Variants in AACS observed in about 807,000 individuals in gnomAD.
AACS encodes acetoacetate-CoA ligase.
A neutral mutation model predicts 83.1 loss-of-function variants in AACS; 69 were observed. That is an observed-to-expected ratio of 0.83 (90% confidence interval 0.68 to 1.01). The LOEUF is 1.01. AACS is among the 50% of genes least tolerant of loss of function. AACS has a pLI of 0.00. For missense variants in AACS, 866 were observed against 882.2 expected, an observed-to-expected ratio of 0.98 and a Z score of 0.23; for synonymous variants, 333 against 343.4, an observed-to-expected ratio of 0.97 and a Z score of 0.33.
At chr12:125,091,403 T>G in intron 4 of AACS, 23 bp from the exon 5 acceptor site, 1 of 1,613,246 alleles carries the variant, frequency 6.2e-7, no homozygotes, top group Admixed American at 1.7e-5. Flanking sequence ...AACCCAAGGC[T>G]TCTTCCTATG....
Position 125,065,563 on chromosome 12 carries a change from G to A in AACS, c.-22G>A. 1 of 1,498,744 alleles carries A rather than the reference G, an allele frequency of 6.7e-7. No individual in the cohort carries two copies. Among genetic ancestry groups the A allele is most frequent in the East Asian group, 2.8e-5 (1 of 35,102 alleles). The allele number at this position is 1,498,744 out of a possible 1,614,324, so 92.8% of individuals were successfully genotyped here. On this transcript the variant is annotated 5_prime_UTR_variant, in exon 1 of 18. Coordinates refer to ENST00000316519, the MANE Select transcript of AACS (RefSeq NM_023928.5). ...CCCCTGGTCCCCAGCCCTCGTCGCA[G>A]CCCCGGCCGCCCGCCGCCGCCATGT...
At chr12:125,086,680 C>T (rs1220362181) in intron 4 of AACS, among the ~76,000 whole-genome samples, 1 of 152,122 alleles carries the variant, frequency 6.6e-6, no homozygotes, top group Admixed American at 6.5e-5. Context: ...GTCCCAGAGC[C>T]TAAAACAATT....
At chr12:125,116,839 G>A (rs990977763) in intron 9 of AACS, among the ~76,000 whole-genome samples, 14 of 151,582 alleles carry the variant, frequency 9.2e-5, no homozygotes, top group Middle Eastern at 3.4e-3. Context: ...AGGCTATACT[G>A]TGACCCACCC....
At chr12:125,091,612 G>C in intron 5 of AACS, 89 bp downstream of exon 5, 1 of 1,351,778 alleles carries the variant, frequency 7.4e-7, no homozygotes, top group Non-Finnish European at 1.1e-6. Flanking sequence ...CAGGGGAGCC[G>C]GACAGCAGCG....
At chr12:125,081,489 C>T (rs1186370848) in intron 3 of AACS, among the ~76,000 whole-genome samples, 1 of 152,170 alleles carries the variant, frequency 6.6e-6, no homozygotes, top group African/African-American at 2.4e-5. Flanking sequence ...TTGTTCCTTA[C>T]CCAGCTGGGT....
intron 10 of AACS, chr12:125,122,578 T>C (rs1289381214): frequency 2.0e-5 from 3 of 148,416 alleles, no homozygotes; most frequent in Non-Finnish European, 4.4e-5. Context: ...TGGAGGCAGA[T>C]GTTGCAGTGA....
chr12:125,111,057 C>A (rs1956944333), intron 8 of AACS, among the ~76,000 whole-genome samples: 3 of 150,414 alleles, frequency 2.0e-5, no homozygotes, highest in African/African-American at 7.4e-5. Context: ...GGGCTGAGGT[C>A]AGGGGTGGGG....
chr12:125,117,339 A>C (rs1163240707), intron 9 of AACS, among the ~76,000 whole-genome samples: 1 of 151,820 alleles, frequency 6.6e-6, no homozygotes, highest in Non-Finnish European at 1.5e-5. Context: ...ACTTGAACCC[A>C]GGAGGCAGAG....
At position 125,122,473 on chromosome 12, in the gene AACS, A is replaced by C. The variant is rs548817689; in HGVS notation, c.1122-2232A>C. On this transcript the variant is annotated intron_variant, in intron 10 of 17. Coordinates refer to ENST00000316519, the MANE Select transcript of AACS (RefSeq NM_023928.5). ...ACATGGCGAAACCCCGTCTCTACTA[A>C]AAATACAAAAAATACAAAAATTAGC... 8.6e-5 allele frequency: 13 copies of C among 152,036 alleles called. No homozygotes were observed. In the East Asian group the frequency reaches 2.3e-3, roughly 27 times the overall value. 9.4% of individuals were successfully genotyped at this position (152,036 alleles called of 1,614,324 possible).
chr12:125,136,433 T>C (rs1957401300), intron 16 of AACS, among the ~76,000 whole-genome samples: 1 of 152,024 alleles, frequency 6.6e-6, no homozygotes, highest in African/African-American at 2.4e-5. Context: ...CTGCCAAACC[T>C]GAAGCTCTCT....
chr12:125,076,492 T>G lies in AACS; in HGVS notation c.239T>G (p.Val80Gly). Residue 80 changes from valine to glycine, a missense_variant and splice_region_variant, in exon 3 of 18, where the codon GTT becomes GGT. Coordinates refer to ENST00000316519, the MANE Select transcript of AACS (RefSeq NM_023928.5). Reference protein sequence around the residue: ...GIVFSRVYDEVVDTSKGIADV... With the variant: ...GIVFSRVYDEGVDTSKGIADV... ...TTGGTTTGTTGTCATTCTCTATAGG[T>G]TGTGGACACATCGAAAGGAATCGCA... 6.2e-7 allele frequency: 1 copy of G among 1,614,106 alleles called. No individual in the cohort carries two copies. The highest frequency in any genetic ancestry group is 8.5e-7 in the Non-Finnish European group (1 of 1,179,968).
At chr12:125,087,185 G>C (rs1956358580) in intron 4 of AACS, among the ~76,000 whole-genome samples, 1 of 152,188 alleles carries the variant, frequency 6.6e-6, no homozygotes, top group Non-Finnish European at 1.5e-5. Flanking sequence ...ATAAAGCAAG[G>C]GAAGTAGGAC....
chr12:125,084,341 A>G (rs953998485), intron 3 of AACS, among the ~76,000 whole-genome samples: 1 of 151,376 alleles, frequency 6.6e-6, no homozygotes, highest in African/African-American at 2.4e-5. Context: ...ATCACTTTCT[A>G]TATTTCATGT....
intron 1 of AACS, among the ~76,000 whole-genome samples, chr12:125,069,530 C>A (rs1176057116): frequency 1.3e-5 from 2 of 152,230 alleles, no homozygotes; most frequent in Admixed American, 1.3e-4. Context: ...ACGTGGGGCT[C>A]TGGGGTCCTC....
At position 125,119,253 on chromosome 12, in the gene AACS, A is replaced by G. The variant is rs146017165; in HGVS notation, c.1121+488A>G. 6.8e-3 allele frequency among the ~76,000 whole-genome samples: 1,036 copies of G among 152,260 alleles called. 12 individuals are homozygous for G. Among genetic ancestry groups the G allele is most frequent in the African/African-American group, 0.024 (989 of 41,544 alleles). The stretch of plus-strand genomic sequence containing the variant: ...CTCTCTTAGCAAAGTTCCAGCACTT[A>G]TTGCATAGTACGGCGTTGTCAGCTG... On this transcript the variant is annotated intron_variant, in intron 10 of 17. Transcript: ENST00000316519.
chr12:125,141,808 G>C (rs1004573070), intron 17 of AACS: 2 of 363,808 alleles, frequency 5.5e-6, no homozygotes, highest in Non-Finnish European at 9.9e-6. Context: ...CAGGGGGCGG[G>C]GGTGGGGTGT....
At chr12:125,095,933 C>T (rs1289031467) in intron 5 of AACS, among the ~76,000 whole-genome samples, 1 of 152,216 alleles carries the variant, frequency 6.6e-6, no homozygotes, top group Non-Finnish European at 1.5e-5. Flanking sequence ...TCACCCCGTT[C>T]CTGCCTTATC....
intron 1 of AACS, among the ~76,000 whole-genome samples, chr12:125,070,543 A>G (rs1015478630): frequency 6.6e-6 from 1 of 152,218 alleles, no homozygotes. Flanking sequence ...ATCTTCAGCT[A>G]AGATTTGAAG....
At chr12:125,091,403 T>C (rs1368761163) in intron 4 of AACS, 23 bp from the exon 5 acceptor site, 2 of 1,613,128 alleles carry the variant, frequency 1.2e-6, no homozygotes, top group African/African-American at 2.7e-5. Context: ...AACCCAAGGC[T>C]TCTTCCTATG....
Sources: gnomAD v4.1 joint callset for allele counts (sites outside exome capture counted in the v4.1 genomes callset) on GRCh38, gnomAD v4.1.1 for gene constraint, MANE v1.5 for transcripts, NCBI Gene and HGNC (gene_info 2026-07-23, HGNC 2026-07-21) for gene names.